The following ROPN1 variants were observed in gnomAD, a reference collection of about 807,000 sequenced individuals.
The protein encoded by ROPN1 is rhophilin associated tail protein 1.
Under a neutral mutation model 20.5 loss-of-function variants are expected in ROPN1, and 14 were observed. The ratio of observed to expected loss-of-function variants is 0.68; its 90% CI spans 0.45 to 1.07. The LOEUF (loss-of-function observed/expected upper bound fraction) is 1.07, where lower values mean the gene tolerates loss of function less well. Ranked by LOEUF, ROPN1 falls within the 50% of genes least tolerant of loss-of-function variation. ROPN1 has a pLI of 0.00. For missense variants in ROPN1, 169 were observed against 242.8 expected (o/e 0.70, Z 2.02); for synonymous variants, 76 against 95.7 (o/e 0.79, Z 1.20).
rs7622201 is a variant in ROPN1 at position 123,980,452 on chromosome 3, G to A, written c.30C>T (p.Ile10=). ...TCAGCATCTTCGGCAGCTCCGGCGG[G>A]ATGCATGTTGGCTTATCTGTCTGAG... MAQTDKPTC[I]PPELPKMLKE... Residue 10 remains isoleucine (I), a synonymous_variant, in exon 2 of 6, where the codon ATC becomes ATT. Transcript: ENST00000405845. 0.043 allele frequency: 68,945 copies of A among 1,613,994 alleles called. 8,305 individuals are homozygous for A. Among genetic ancestry groups the A allele is most frequent in the East Asian group, 0.36 (15,988 of 44,856 alleles).
chr3:123,976,785 A>G lies in ROPN1; in HGVS notation c.234+79T>C. 3 of 1,411,664 alleles carry G rather than the reference A, an allele frequency of 2.1e-6. No homozygotes were observed. In the South Asian group the frequency reaches 4.0e-5, roughly 19 times the overall value. The allele number at this position is 1,411,664 out of a possible 1,614,324, so 87.4% of individuals were successfully genotyped here. A position where few individuals can be genotyped will look rare whatever the true frequency, so the allele number is the denominator to read the frequency against. On this transcript the variant is annotated intron_variant, in intron 3 of 5. Transcript: ENST00000405845. Reference sequence around the variant, plus strand: ...AAGTGGTCAGCTGACTGTCAGGAGAACAGAGGGCTTTTTGTCTGTACCCAC... The same window carrying G: ...AAGTGGTCAGCTGACTGTCAGGAGAGCAGAGGGCTTTTTGTCTGTACCCAC...
Position 123,980,447 on chromosome 3 carries a change from G to A in ROPN1, c.35C>T (p.Pro12Leu), listed in dbSNP as rs771133421. The A allele has an allele frequency of 9.9e-6, 16 of 1,614,042 alleles. No homozygotes were observed. Among genetic ancestry groups the A allele is most frequent in the East Asian group, 2.2e-5 (1 of 44,888 alleles). Residue 12 changes from proline to leucine, a missense_variant, in exon 2 of 6, where the codon CCG becomes CTG. Transcript: ENST00000405845. ...CTCCTTCAGCATCTTCGGCAGCTCC[G>A]GCGGGATGCATGTTGGCTTATCTGT... ...AQTDKPTCIPPELPKMLKEFA... is the reference protein window; with the variant it reads ...AQTDKPTCIPLELPKMLKEFA...
At chr3:123,980,069 T>G in intron 2 of ROPN1, 1 of 512,834 alleles carries the variant, frequency 1.9e-6, no homozygotes, top group Non-Finnish European at 3.4e-6. Context: ...GAGGTGGGTG[T>G]GCATACGCTG....
rs1577368469 is a variant in ROPN1 at position 123,979,289 on chromosome 3, A to C, written c.116+1077T>G. 5 of 355,096 alleles carry C rather than the reference A, an allele frequency of 1.4e-5. 1 individual carries two copies. Among genetic ancestry groups the C allele is most frequent in the South Asian group, 4.2e-5 (2 of 47,438 alleles). The allele number at this position is 355,096 out of a possible 1,614,324, so 22.0% of individuals were successfully genotyped here. ...ATTTTGTGTCTTCTCAAAGGTGTCC[A>C]CACTCTCCCCACCATCTGCCCAGGA... On this transcript the variant is annotated intron_variant, in intron 2 of 5. Coordinates refer to ENST00000405845, the MANE Select transcript of ROPN1 (RefSeq NM_001317774.2).
chr3:123,971,109 G>A (rs768002931), intron 4 of ROPN1, among the ~76,000 whole-genome samples: 4 of 152,154 alleles, frequency 2.6e-5, no homozygotes, highest in Non-Finnish European at 4.4e-5. Flanking sequence ...GTGACTTAGG[G>A]TGAGTGAAAA....
In ROPN1 at chr3:123,980,524, T is replaced by A. The variant is rs1419159812; in HGVS notation, c.-12-31A>T. 2.5e-6 allele frequency: 4 copies of A among 1,601,954 alleles called. No individual in the cohort carries two copies. In the African/African-American group the frequency reaches 5.4e-5, roughly 21 times the overall value. On this transcript the variant is annotated intron_variant, in intron 1 of 5. Transcript: ENST00000405845. The stretch of plus-strand genomic sequence containing the variant: ...CTCAGGAGAAAAAAATACGTTAAGA[T>A]GAAAACTTCGATTCATACGATGAGA...
At chr3:123,974,408 A>C (rs1369905239) in intron 4 of ROPN1, 2 of 152,230 alleles carry the variant, frequency 1.3e-5, no homozygotes, top group Non-Finnish European at 2.9e-5. Flanking sequence ...AAGTGCCACA[A>C]ATGTCCTCTT....
chr3:123,986,740 G>A (rs1205683933), intron 1 of ROPN1, among the ~76,000 whole-genome samples: 1 of 152,220 alleles, frequency 6.6e-6, no homozygotes, highest in Admixed American at 6.5e-5. Flanking sequence ...GCAAAGTGAT[G>A]TGGGTAGTTG....
intron 1 of ROPN1, among the ~76,000 whole-genome samples, chr3:123,983,912 A>G (rs748998939): frequency 6.6e-6 from 1 of 152,206 alleles, no homozygotes; most frequent in Non-Finnish European, 1.5e-5. Flanking sequence ...ATGACATATA[A>G]TAAGTGACAG....
At chr3:123,987,243 G>A (rs1294134427) in intron 1 of ROPN1, among the ~76,000 whole-genome samples, 1 of 152,224 alleles carries the variant, frequency 6.6e-6, no homozygotes, top group Non-Finnish European at 1.5e-5. Context: ...GTGAGAGCAG[G>A]TTGCTCCTTG....
At chr3:123,977,300 G>A (rs1486759466) in intron 2 of ROPN1, among the ~76,000 whole-genome samples, 1 of 152,208 alleles carries the variant, frequency 6.6e-6, no homozygotes, top group Non-Finnish European at 1.5e-5. Context: ...TCATCTCTGA[G>A]TGTTTTATAC....
chr3:123,985,652 TA>T (rs1002732771), intron 1 of ROPN1, among the ~76,000 whole-genome samples: 12 of 150,170 alleles, frequency 8.0e-5, no homozygotes, highest in African/African-American at 2.0e-4. Context: ...CATTTGCCTC[TA>T]AAAAAATAAT....
In ROPN1 at chr3:123,980,437, C is replaced by A. The variant is rs773380670; in HGVS notation, c.45G>T (p.Pro15=). Residue 15 remains proline (P), a synonymous_variant, in exon 2 of 6, where the codon CCG becomes CCT. Coordinates refer to ENST00000405845, the MANE Select transcript of ROPN1 (RefSeq NM_001317774.2). ...DKPTCIPPEL[P]KMLKEFAKAA... Reference sequence around the variant, plus strand: ...CTTTGGCAAACTCCTTCAGCATCTTCGGCAGCTCCGGCGGGATGCATGTTG... The same window carrying A: ...CTTTGGCAAACTCCTTCAGCATCTTAGGCAGCTCCGGCGGGATGCATGTTG... 6.2e-7 allele frequency: 1 copy of A among 1,614,170 alleles called. No homozygotes were observed. The highest frequency in any genetic ancestry group is 8.5e-7 in the Non-Finnish European group (1 of 1,180,016).
At chr3:123,972,609 C>T (rs1458676649) in intron 4 of ROPN1, among the ~76,000 whole-genome samples, 5 of 152,144 alleles carry the variant, frequency 3.3e-5, no homozygotes, top group South Asian at 2.1e-4. Flanking sequence ...TGCATGCCAT[C>T]GCATTCTGAA....
Position 123,970,045 on chromosome 3 carries a change from T to A in ROPN1, c.569A>T (p.Glu190Val). 6.2e-7 allele frequency: 1 copy of A among 1,613,572 alleles called. No homozygotes were observed. Among genetic ancestry groups the A allele is most frequent in the South Asian group, 1.1e-5 (1 of 90,770 alleles). The stretch of plus-strand genomic sequence containing the variant: ...CACTTGACAAAAGTTAACTTACACT[T>A]CCTGTTCCATGTAGTTTAGCATCCT... ...VSRMLNYMEQ[E>V]VIGPDGIITV... Residue 190 changes from glutamate to valine, a missense_variant, in exon 5 of 6, where the codon GAA becomes GTA. Physicochemically the swap from Glu to Val is moderately radical, Grantham distance 121. Around this residue, in one of 3 missense-constraint regions of ROPN1, gnomAD observed 82 missense variants for 100.1 expected, o/e 0.82. Transcript: ENST00000405845.
chr3:123,975,072 G>A (rs1472226310), intron 4 of ROPN1: 32 of 446,908 alleles, frequency 7.2e-5, no homozygotes, highest in Non-Finnish European at 4.2e-6. Flanking sequence ...TTGTCTCTGG[G>A]AATATGAATG....
Position 123,980,135 on chromosome 3 carries a change from G to C in ROPN1, c.116+231C>G, listed in dbSNP as rs1451933181. 3.5e-5 allele frequency: 20 copies of C among 577,784 alleles called. No homozygotes were observed. The East Asian group carries it at 5.6e-4, about 16-fold the overall frequency. The allele number at this position is 577,784 out of a possible 1,614,324, so 35.8% of individuals were successfully genotyped here. A position where few individuals can be genotyped will look rare whatever the true frequency, so the allele number is the denominator to read the frequency against. ...CCCCAGGACACGGCCTATTGACCTG[G>C]CGTCCTACTGCTCAATCTGGCTCCC... On this transcript the variant is annotated intron_variant, in intron 2 of 5. Transcript: ENST00000405845.
chr3:123,990,275 A>G (rs905772784), intron 1 of ROPN1, among the ~76,000 whole-genome samples: 1 of 152,084 alleles, frequency 6.6e-6, no homozygotes, highest in African/African-American at 2.4e-5. Flanking sequence ...CTACTGAAGG[A>G]GGAGGAGGAG....
intron 1 of ROPN1, among the ~76,000 whole-genome samples, chr3:123,988,283 C>A (rs566189072): frequency 5.3e-5 from 8 of 152,170 alleles, no homozygotes; most frequent in South Asian, 4.2e-4. Flanking sequence ...ATAGCTGGGA[C>A]TACAGGTGTG....
Sources: gnomAD v4.1 joint callset for allele counts (sites outside exome capture counted in the v4.1 genomes callset) on GRCh38, gnomAD v4.1.1 for gene constraint, gnomAD v4.1.1 regional missense constraint, MANE v1.5 for transcripts, NCBI Gene and HGNC (gene_info 2026-07-23, HGNC 2026-07-21) for gene names.